The following PGBD5 variants were observed in gnomAD, a reference collection of about 807,000 sequenced individuals.
The protein encoded by PGBD5 is piggyBac transposable element derived 5, also known as piggyBac transposable element-derived protein 5.
A neutral mutation model predicts 47.9 loss-of-function variants in PGBD5; 14 were observed. The ratio of observed to expected loss-of-function variants is 0.29; its 90% CI spans 0.19 to 0.46. The LOEUF (loss-of-function observed/expected upper bound fraction) is 0.46. Ranked by LOEUF, PGBD5 falls within the 20% of genes least tolerant of loss-of-function variation. The probability of loss-of-function intolerance (pLI) is 1.00; values close to 1 mark genes in which losing one functional copy is unlikely to be tolerated. For missense variants in PGBD5, 635 were observed against 716.0 expected (o/e 0.89, Z 1.29); for synonymous variants, 316 against 306.3 (o/e 1.03, Z -0.33).
chr1:230,357,059 G>C lies in PGBD5; in HGVS notation c.594C>G (p.Ser198Arg). The change falls in exon 2 of 7, where the codon AGC (serine) becomes AGG (arginine). Residue 198 changes from serine to arginine, a missense_variant. Physicochemically the swap from Ser to Arg is moderately radical, Grantham distance 110 (BLOSUM62 -1). Coordinates refer to ENST00000391860, the MANE Select transcript of PGBD5 (RefSeq NM_001258311.2). This position sits in a 1 kb window ranked among gnomAD's most constrained non-coding sequence, Gnocchi z 5.7. ...IWSGGFYSNR[S>R]LALVMSQARF... ...GGGCCTGGCTCATGACGAGGGCGAGGCTGCGGTTGCTGTAGAAGCCTCCGC... is the reference window on the plus strand; with the variant it reads ...GGGCCTGGCTCATGACGAGGGCGAGCCTGCGGTTGCTGTAGAAGCCTCCGC... 1 of 1,614,186 alleles carries C rather than the reference G, an allele frequency of 6.2e-7. No individual in the cohort carries two copies.
rs1029031333 is a variant in PGBD5 at position 230,320,624 on chromosome 1, C to G, written c.*2801G>C. 3 of 152,178 alleles carry G rather than the reference C, an allele frequency of 2.0e-5. No individual in the cohort carries two copies. Among genetic ancestry groups the G allele is most frequent in the African/African-American group, 7.2e-5 (3 of 41,412 alleles). 9.4% of individuals were successfully genotyped at this position (152,178 alleles called of 1,614,324 possible). On this transcript the variant is annotated 3_prime_UTR_variant, in exon 7 of 7. Transcript: ENST00000391860. ...ATGCTGGCTCCCTCTGTCATAAGAC[C>G]ACTTACGATGCTCTTTCCTCATCCC...
In PGBD5 at chr1:230,321,079, A is replaced by G. The variant is rs1313711910; in HGVS notation, c.*2346T>C. 3 of 152,230 alleles carry G rather than the reference A, an allele frequency of 2.0e-5. No homozygotes were observed. The highest frequency in any genetic ancestry group is 4.4e-5 in the Non-Finnish European group (3 of 68,036). 9.4% of individuals were successfully genotyped at this position (152,230 alleles called of 1,614,324 possible). On this transcript the variant is annotated 3_prime_UTR_variant, in exon 7 of 7. Transcript: ENST00000391860. The stretch of plus-strand genomic sequence containing the variant: ...TCTTCCTGCTCATCTGGAATGACAC[A>G]CGACACAAACTAGAAGAAAAGAGGG...
intron 3 of PGBD5, among the ~76,000 whole-genome samples, chr1:230,338,376 G>C (rs1388533669): frequency 2.0e-5 from 3 of 152,212 alleles, no homozygotes; most frequent in Admixed American, 2.0e-4. Flanking sequence ...CTTGGGATCT[G>C]CATTCCCGTT....
At position 230,324,294 on chromosome 1, in the gene PGBD5, G is replaced by A. The variant is rs181295570; in HGVS notation, c.1380-674C>T. 5.3e-5 allele frequency among the ~76,000 whole-genome samples: 8 copies of A among 152,308 alleles called. No individual in the cohort carries two copies. The East Asian group carries it at 1.5e-3, about 29-fold the overall frequency. On this transcript the variant is annotated intron_variant, in intron 6 of 6. Coordinates refer to ENST00000391860, the MANE Select transcript of PGBD5 (RefSeq NM_001258311.2). ...GAAATGCCCAGCACAGAGCAGGCAC[G>A]ACAGACATCTACCCCACAAATGCCA...
intron 1 of PGBD5, among the ~76,000 whole-genome samples, chr1:230,363,952 A>C (rs1424976839): frequency 6.6e-6 from 1 of 152,212 alleles, no homozygotes; most frequent in Non-Finnish European, 1.5e-5. Flanking sequence ...CTTCAGCTAA[A>C]GTAATCACCA....
intron 1 of PGBD5, among the ~76,000 whole-genome samples, chr1:230,422,912 G>T (rs964236770): frequency 1.3e-5 from 2 of 151,884 alleles, no homozygotes; most frequent in Non-Finnish European, 2.9e-5. Context: ...TGGTGGGGGT[G>T]GGGGGATGTG....
At chr1:230,348,965 T>C (rs1474486447) in intron 3 of PGBD5, among the ~76,000 whole-genome samples, 1 of 152,256 alleles carries the variant, frequency 6.6e-6, no homozygotes, top group Non-Finnish European at 1.5e-5. Flanking sequence ...CAATTCTGGC[T>C]TCTAAAAACA....
rs78452990 is a variant in PGBD5 at position 230,340,500 on chromosome 1, C to T, written c.895-3212G>A. On this transcript the variant is annotated intron_variant, in intron 3 of 6. Coordinates refer to ENST00000391860, the MANE Select transcript of PGBD5 (RefSeq NM_001258311.2). ...AATATATGTTGACTATACACTCAAG[C>T]GGCTATTTCTGTATAAAAAGTATTT... 2.3e-3 allele frequency among the ~76,000 whole-genome samples: 353 copies of T among 152,134 alleles called. 1 individual carries two copies. The highest frequency in any genetic ancestry group is 8.2e-3 in the African/African-American group (339 of 41,498).
intron 4 of PGBD5, 68 bp downstream of exon 4, chr1:230,337,040 T>A: frequency 6.5e-7 from 1 of 1,545,922 alleles, no homozygotes. Flanking sequence ...CACCCCCACC[T>A]GGACCTCTCC....
rs1383284370 is a variant in PGBD5 at position 230,335,846 on chromosome 1, G to GATGCGCACAGACACGCAGATGC, written c.1075+1261_1075+1262insGCATCTGCGTGTCTGTGCGCAT. On this transcript the variant is annotated intron_variant, in intron 4 of 6. Coordinates refer to ENST00000391860, the MANE Select transcript of PGBD5 (RefSeq NM_001258311.2). Reference sequence around the variant, plus strand: ...ACACAGACATACACATACACACACAGACACACAGATACACACACAGATGCA... The same window carrying GATGCGCACAGACACGCAGATGC: ...ACACAGACATACACATACACACACAGATGCGCACAGACACGCAGATGCACACACAGATACACACACAGATGCA... Among the ~76,000 whole-genome samples the GATGCGCACAGACACGCAGATGC allele has an allele frequency of 2.3e-4, 23 of 99,724 alleles. 1 individual carries two copies. Among genetic ancestry groups the GATGCGCACAGACACGCAGATGC allele is most frequent in the Non-Finnish European group, 3.7e-4 (16 of 43,776 alleles). The allele number at this position is 99,724 out of a possible 152,430, so 65.4% of individuals were successfully genotyped here.
chr1:230,361,256 G>A (rs184200905), intron 1 of PGBD5, among the ~76,000 whole-genome samples: 2 of 152,312 alleles, frequency 1.3e-5, no homozygotes, highest in Non-Finnish European at 2.9e-5. Context: ...CTCTGAAGGG[G>A]AAGGGAGAAC....
At chr1:230,348,357 T>A (rs763250009) in intron 3 of PGBD5, among the ~76,000 whole-genome samples, 4 of 152,196 alleles carry the variant, frequency 2.6e-5, no homozygotes, top group Non-Finnish European at 4.4e-5. Flanking sequence ...AGGGGCTGCC[T>A]ATGCCTTGGG....
chr1:230,375,535 G>A (rs1486663693), intron 1 of PGBD5, among the ~76,000 whole-genome samples: 2 of 151,878 alleles, frequency 1.3e-5, no homozygotes, highest in African/African-American at 4.8e-5. Flanking sequence ...GGATGCTTCA[G>A]ATGTACAAAG....
intron 3 of PGBD5, among the ~76,000 whole-genome samples, chr1:230,350,696 C>T (rs1409999473): frequency 6.6e-6 from 1 of 152,178 alleles, no homozygotes; most frequent in Non-Finnish European, 1.5e-5. Flanking sequence ...AGTCATTTAC[C>T]CAGATGGGCT....
intron 4 of PGBD5, among the ~76,000 whole-genome samples, chr1:230,335,812 CAT>C (rs1667311247): frequency 7.3e-6 from 1 of 136,878 alleles, no homozygotes; most frequent in African/African-American, 2.7e-5. Context: ...CACACAGACA[CAT>C]ACACTGACAC....
Position 230,319,427 on chromosome 1 carries a change from GT to G in PGBD5, c.*3997del, listed in dbSNP as rs146946038. On this transcript the variant is annotated 3_prime_UTR_variant, in exon 7 of 7. Transcript: ENST00000391860. Reference sequence around the variant, plus strand: ...CCCAATCCCAGGCAAGTGGGGAAATGTTTTTTTTTTGCCATGAATGCAGACT... The same window carrying G: ...CCCAATCCCAGGCAAGTGGGGAAATGTTTTTTTTTGCCATGAATGCAGACT... 1.9e-4 allele frequency: 29 copies of G among 149,748 alleles called. 1 individual carries two copies. Among genetic ancestry groups the G allele is most frequent in the South Asian group, 1.5e-3 (7 of 4,724 alleles). The allele number at this position is 149,748 out of a possible 1,614,324, so 9.3% of individuals were successfully genotyped here. A position where few individuals can be genotyped will look rare whatever the true frequency, so the allele number is the denominator to read the frequency against.
chr1:230,323,422 G>A lies in PGBD5; in HGVS notation c.*3C>T. 2 of 1,612,224 alleles carry A rather than the reference G, an allele frequency of 1.2e-6. No individual in the cohort carries two copies. Among genetic ancestry groups the A allele is most frequent in the African/African-American group, 1.3e-5 (1 of 74,972 alleles). On this transcript the variant is annotated 3_prime_UTR_variant, in exon 7 of 7. Coordinates refer to ENST00000391860, the MANE Select transcript of PGBD5 (RefSeq NM_001258311.2). The surrounding 1 kb of genome is among the most constrained non-coding windows in gnomAD (Gnocchi z 4.1). ...CCCTTGACCGAGTCCTGCGCCCCCAGCATCAGTGGGTCGGAGAGGCATCCT... is the reference window on the plus strand; with the variant it reads ...CCCTTGACCGAGTCCTGCGCCCCCAACATCAGTGGGTCGGAGAGGCATCCT...
chr1:230,338,628 G>A (rs1192412838), intron 3 of PGBD5, among the ~76,000 whole-genome samples: 6 of 152,084 alleles, frequency 3.9e-5, no homozygotes, highest in African/African-American at 1.2e-4. Flanking sequence ...GTGAAACCCC[G>A]TCTCTATTAA....
chr1:230,323,654 A>C lies in PGBD5; in HGVS notation c.1380-34T>G. ...AGAGGGAATAAGAACGGCTGACCCG[A>C]TGGTTCATGGCACCCGGAGATGCAT... On this transcript the variant is annotated intron_variant, in intron 6 of 6. Transcript: ENST00000391860. The surrounding 1 kb of genome is among the most constrained non-coding windows in gnomAD (Gnocchi z 4.1). 1.3e-6 allele frequency: 2 copies of C among 1,586,612 alleles called. No individual in the cohort carries two copies. Among genetic ancestry groups the C allele is most frequent in the Non-Finnish European group, 1.7e-6 (2 of 1,164,476 alleles).
Sources: allele counts gnomAD v4.1 joint callset (sites outside exome capture counted in the v4.1 genomes callset), GRCh38; gene constraint gnomAD v4.1.1; non-coding constraint Gnocchi (gnomAD v3.1); transcripts MANE v1.5; gene names NCBI Gene and HGNC (gene_info 2026-07-23, HGNC 2026-07-21).